Variants in ZBTB8A observed in about 807,000 individuals in gnomAD.
ZBTB8A encodes zinc finger and BTB domain containing 8A, also known as zinc finger and BTB domain-containing protein 8A.
ZBTB8A carries 19 observed loss-of-function variants against 37.8 expected under a neutral mutation model. The observed-to-expected ratio is 0.50, with a 90% CI of 0.35 to 0.74. ZBTB8A has a LOEUF of 0.74. Ranked by LOEUF, ZBTB8A falls within the 30% of genes least tolerant of loss-of-function variation. The pLI, the probability that ZBTB8A is intolerant of heterozygous loss-of-function variation, is 0.01. For missense variants in ZBTB8A, 394 were observed against 537.8 expected (o/e 0.73, Z 2.65); for synonymous variants, 181 against 185.2 (o/e 0.98, Z 0.19).
At chr1:32,580,096 C>T (rs1287287720) in intron 2 of ZBTB8A, among the ~76,000 whole-genome samples, 1 of 152,044 alleles carries the variant, frequency 6.6e-6, no homozygotes, top group Non-Finnish European at 1.5e-5. Context: ...CATGGTGGCT[C>T]ACACCTATAA....
intron 2 of ZBTB8A, among the ~76,000 whole-genome samples, chr1:32,562,737 A>G (rs1274841232): frequency 1.3e-5 from 2 of 151,092 alleles, no homozygotes; most frequent in Non-Finnish European, 2.9e-5. Context: ...GCCCACCACC[A>G]CACCCAGCTA....
At chr1:32,592,827 C>T (rs1644500401) in intron 2 of ZBTB8A, 104 bp from the exon 3 acceptor site, 1 of 937,886 alleles carries the variant, frequency 1.1e-6, no homozygotes, top group Non-Finnish European at 1.6e-6. Flanking sequence ...TTTGATCACA[C>T]CACTGCACTG....
At chr1:32,564,249 A>G (rs1018925554) in intron 2 of ZBTB8A, among the ~76,000 whole-genome samples, 5 of 152,156 alleles carry the variant, frequency 3.3e-5, no homozygotes, top group African/African-American at 1.2e-4. Context: ...AGAACTCAAG[A>G]TGATTGGTAT....
Position 32,601,658 on chromosome 1 carries a change from G to A in ZBTB8A, c.*1239G>A. ...GTCTGAGAGAGAAAACTGATGATTG[G>A]ACAGGATCTGATTTTAAACAATCCT... On this transcript the variant is annotated 3_prime_UTR_variant, in exon 5 of 5. Transcript: ENST00000373510. The A allele has an allele frequency of 2.5e-6, 1 of 398,542 alleles. No individual in the cohort carries two copies. Among genetic ancestry groups the A allele is most frequent in the Non-Finnish European group, 4.4e-6 (1 of 226,056 alleles). The allele number at this position is 398,542 out of a possible 1,614,324, so 24.7% of individuals were successfully genotyped here. A position where few individuals can be genotyped will look rare whatever the true frequency, so the allele number is the denominator to read the frequency against.
At chr1:32,571,684 C>T (rs571402492) in intron 2 of ZBTB8A, among the ~76,000 whole-genome samples, 2 of 152,132 alleles carry the variant, frequency 1.3e-5, no homozygotes, top group South Asian at 2.1e-4. Context: ...AAGCAATTCT[C>T]CTGCCTCAGC....
intron 2 of ZBTB8A, among the ~76,000 whole-genome samples, chr1:32,591,705 G>T (rs1252950687): frequency 6.6e-6 from 1 of 151,998 alleles, no homozygotes; most frequent in Non-Finnish European, 1.5e-5. Context: ...TTGAGCCTAG[G>T]AGTTCAAGAC....
chr1:32,583,380 C>CA (rs372221611), intron 2 of ZBTB8A, among the ~76,000 whole-genome samples: 2,080 of 67,876 alleles, frequency 0.031, 28 homozygotes, highest in South Asian at 0.065. Flanking sequence ...GACCCTGTCT[C>CA]AAAAAAAAAA....
chr1:32,555,579 CA>C (rs1354542735), intron 2 of ZBTB8A, among the ~76,000 whole-genome samples: 1 of 152,160 alleles, frequency 6.6e-6, no homozygotes, highest in East Asian at 1.9e-4. Context: ...TTGTCTGTAA[CA>C]CTGGCATCTT....
intron 2 of ZBTB8A, among the ~76,000 whole-genome samples, chr1:32,579,287 A>G (rs942204191): frequency 1.3e-5 from 2 of 151,758 alleles, no homozygotes; most frequent in African/African-American, 4.8e-5. Flanking sequence ...CGTCTCTACT[A>G]AAAAATACAA....
chr1:32,552,006 G>C (rs1232918655), intron 1 of ZBTB8A, among the ~76,000 whole-genome samples: 1 of 152,014 alleles, frequency 6.6e-6, no homozygotes, highest in East Asian at 1.9e-4. Context: ...TTACTATCTT[G>C]GTATCATCTG....
At chr1:32,544,790 TTG>T (rs1644089254) in intron 1 of ZBTB8A, among the ~76,000 whole-genome samples, 1 of 152,190 alleles carries the variant, frequency 6.6e-6, no homozygotes, top group African/African-American at 2.4e-5. Flanking sequence ...ATGTAGTCAG[TTG>T]TTGACCAAAA....
intron 2 of ZBTB8A, among the ~76,000 whole-genome samples, chr1:32,580,174 T>A (rs776361221): frequency 2.0e-5 from 3 of 152,090 alleles, no homozygotes; most frequent in African/African-American, 7.2e-5. Flanking sequence ...GACGTTGCAG[T>A]GAGCCAAGAT....
chr1:32,594,877 A>AAATTTCTT (rs2148252000), intron 3 of ZBTB8A, among the ~76,000 whole-genome samples, 177 bp from the exon 4 acceptor site: 1 of 152,318 alleles, frequency 6.6e-6, no homozygotes, highest in Non-Finnish European at 1.5e-5. Flanking sequence ...AGTCTTAATA[A>AAATTTCTT]AATTTCTTTC....
At chr1:32,599,217 G>T (rs1177789051) in intron 4 of ZBTB8A, among the ~76,000 whole-genome samples, 2 of 134,854 alleles carry the variant, frequency 1.5e-5, no homozygotes, top group Admixed American at 1.6e-4. Flanking sequence ...CTCAAATTAA[G>T]ATATGTTCAG....
At chr1:32,596,135 C>T (rs1264007857) in intron 4 of ZBTB8A, among the ~76,000 whole-genome samples, 7 of 151,594 alleles carry the variant, frequency 4.6e-5, no homozygotes, top group African/African-American at 7.3e-5. Flanking sequence ...TTTGGGAGGC[C>T]GAGGCAGGCG....
chr1:32,555,314 G>A lies in ZBTB8A; in HGVS notation c.-2+1774G>A, dbSNP rs374567294. Among the ~76,000 whole-genome samples, 90 of 152,188 alleles carry A rather than the reference G, an allele frequency of 5.9e-4. 2 individuals carry two copies. Among genetic ancestry groups the A allele is most frequent in the Middle Eastern group, 3.4e-3 (1 of 294 alleles). ...TGAGGCAGGAGAATGGCGTGAACCC[G>A]GGAGACGGAGCTTGCAGTGAGCTGA... On this transcript the variant is annotated intron_variant, in intron 2 of 4. Coordinates refer to ENST00000373510, the MANE Select transcript of ZBTB8A (RefSeq NM_001040441.3).
chr1:32,547,476 G>A (rs1178927734), intron 1 of ZBTB8A, among the ~76,000 whole-genome samples: 2 of 150,050 alleles, frequency 1.3e-5, no homozygotes, highest in African/African-American at 2.4e-5. Flanking sequence ...TCCTGCCTTA[G>A]CCTCCTGAGT....
intron 1 of ZBTB8A, among the ~76,000 whole-genome samples, chr1:32,546,084 C>T (rs1310153331): frequency 6.6e-6 from 1 of 152,108 alleles, no homozygotes; most frequent in Non-Finnish European, 1.5e-5. Context: ...AGTAGTTGCT[C>T]AATAAATATG....
intron 2 of ZBTB8A, among the ~76,000 whole-genome samples, chr1:32,578,033 A>G (rs1213243235): frequency 6.6e-6 from 1 of 151,576 alleles, no homozygotes; most frequent in African/African-American, 2.4e-5. Flanking sequence ...CCTCCCCAGC[A>G]GCTGGGATTA....
Sources: allele counts gnomAD v4.1 joint callset (sites outside exome capture counted in the v4.1 genomes callset), GRCh38; gene constraint gnomAD v4.1.1; transcripts MANE v1.5; gene names NCBI Gene and HGNC (gene_info 2026-07-23, HGNC 2026-07-21).